The following CNOT6L variants were observed in gnomAD, a reference collection of about 807,000 sequenced individuals.
The protein encoded by CNOT6L is CCR4-NOT transcription complex subunit 6 like.
In CNOT6L, 7 loss-of-function variants were observed where a neutral mutation model predicts 64.0. That is an observed-to-expected ratio of 0.11 (90% CI 0.06 to 0.21). The LOEUF (loss-of-function observed/expected upper bound fraction) is 0.21, where lower values mean the gene tolerates loss of function less well. Among genes scored for constraint, CNOT6L ranks in the 10% least tolerant of loss-of-function variants. The probability of loss-of-function intolerance (pLI) is 1.00; values close to 1 mark genes in which losing one functional copy is unlikely to be tolerated. For missense variants in CNOT6L, 245 were observed against 669.0 expected (o/e 0.37, Z 6.99); for synonymous variants, 193 against 243.4 (o/e 0.79, Z 1.93).
intron 1 of CNOT6L, among the ~76,000 whole-genome samples, chr4:77,817,677 G>A (rs1041367487): frequency 7.9e-5 from 12 of 152,184 alleles, no homozygotes; most frequent in Admixed American, 3.3e-4. Context: ...CACTAACTAC[G>A]TATGTTAAAT....
chr4:77,755,205 A>G (rs1168639211), intron 5 of CNOT6L, among the ~76,000 whole-genome samples: 9 of 142,396 alleles, frequency 6.3e-5, no homozygotes, highest in Non-Finnish European at 1.4e-4. Flanking sequence ...TTGACTGGCT[A>G]CATCTATAGA....
At chr4:77,762,437 A>G (rs1560407767) in intron 4 of CNOT6L, among the ~76,000 whole-genome samples, 1 of 152,182 alleles carries the variant, frequency 6.6e-6, no homozygotes, top group South Asian at 2.1e-4. Flanking sequence ...GAATTTTGAC[A>G]AAGTTGCAAG....
In CNOT6L at chr4:77,750,756, A is replaced by G. The variant is rs76303784; in HGVS notation, c.491-2372T>C. 9.2e-4 allele frequency among the ~76,000 whole-genome samples: 140 copies of G among 152,344 alleles called. 1 individual carries two copies. In the East Asian group the frequency reaches 0.025, roughly 27 times the overall value. On this transcript the variant is annotated intron_variant, in intron 5 of 11. Coordinates refer to ENST00000504123, the MANE Select transcript of CNOT6L (RefSeq NM_144571.3). Reference sequence around the variant, plus strand: ...GTTATATGGGCTACTATCACATACAATAAATAAATATATTGGTGACCCAAT... The same window carrying G: ...GTTATATGGGCTACTATCACATACAGTAAATAAATATATTGGTGACCCAAT...
upstream of CNOT6L, chr4:77,819,416 TCCAGAG>T (rs1282625776): frequency 1.6e-5 from 25 of 1,593,520 alleles, no homozygotes; most frequent in Non-Finnish European, 1.7e-5. Flanking sequence ...ATGCTTCCCC[TCCAGAG>T]CCGCGGCCGC....
At chr4:77,779,026 G>C (rs1728497997) in intron 1 of CNOT6L, among the ~76,000 whole-genome samples, 1 of 120,570 alleles carries the variant, frequency 8.3e-6, no homozygotes, top group African/African-American at 3.1e-5. Context: ...CAGCCTAGGT[G>C]ACAGAGCGAG....
Position 77,716,842 on chromosome 4 carries a change from A to G in CNOT6L, c.*3589T>C, listed in dbSNP as rs367706819. ...AGGATGCTAATTAGTAAAATTAAATACCTGCCTATGAATATCAGAAAAGTA... is the reference window on the plus strand; with the variant it reads ...AGGATGCTAATTAGTAAAATTAAATGCCTGCCTATGAATATCAGAAAAGTA... On this transcript the variant is annotated 3_prime_UTR_variant, in exon 12 of 12. Transcript: ENST00000504123. 1 of 152,572 alleles carries G rather than the reference A, an allele frequency of 6.6e-6. No individual in the cohort carries two copies. Among genetic ancestry groups the G allele is most frequent in the Admixed American group, 6.6e-5 (1 of 15,256 alleles). The allele number at this position is 152,572 out of a possible 1,614,324, so 9.5% of individuals were successfully genotyped here.
In CNOT6L at chr4:77,721,628, T is replaced by A. The variant is rs112298893; in HGVS notation, c.1456-985A>T. 1.0e-3 allele frequency among the ~76,000 whole-genome samples: 155 copies of A among 152,272 alleles called. 1 individual carries two copies. Among genetic ancestry groups the A allele is most frequent in the African/African-American group, 3.2e-3 (134 of 41,554 alleles). On this transcript the variant is annotated intron_variant, in intron 11 of 11. Coordinates refer to ENST00000504123, the MANE Select transcript of CNOT6L (RefSeq NM_144571.3). ...AGATTTTGGACACAATCATTTCAGT[T>A]TGTTGATTTTCATTTGACCAATATC... is the stretch of plus-strand genomic sequence containing the variant.
intron 10 of CNOT6L, among the ~76,000 whole-genome samples, chr4:77,727,729 T>A (rs370855685): frequency 6.6e-6 from 1 of 152,092 alleles, no homozygotes; most frequent in African/African-American, 2.4e-5. Context: ...TTTTAACAAA[T>A]CAAATACAAT....
At chr4:77,761,549 CT>C (rs1253905669) in intron 4 of CNOT6L, among the ~76,000 whole-genome samples, 2 of 152,196 alleles carry the variant, frequency 1.3e-5, no homozygotes, top group Non-Finnish European at 2.9e-5. Flanking sequence ...ATAGCAACAA[CT>C]TCCAGAGAGT....
At chr4:77,774,917 C>T (rs1281359887) in intron 2 of CNOT6L, among the ~76,000 whole-genome samples, 1 of 152,194 alleles carries the variant, frequency 6.6e-6, no homozygotes, top group Admixed American at 6.5e-5. Context: ...TTTCACCTGA[C>T]AACCACTCTT....
intron 1 of CNOT6L, among the ~76,000 whole-genome samples, chr4:77,818,531 G>T (rs538760961): frequency 1.5e-3 from 228 of 152,304 alleles, no homozygotes; most frequent in Non-Finnish European, 2.7e-3. Context: ...CAGCCTTAGG[G>T]GAAGGATGAA....
chr4:77,779,624 T>G (rs117926352), intron 1 of CNOT6L, among the ~76,000 whole-genome samples: 1 of 152,178 alleles, frequency 6.6e-6, no homozygotes, highest in East Asian at 1.9e-4. Context: ...ACTGCCATAT[T>G]AGGGGTCAGA....
chr4:77,778,127 T>A (rs1344213849), intron 1 of CNOT6L, among the ~76,000 whole-genome samples: 1 of 152,144 alleles, frequency 6.6e-6, no homozygotes, highest in Non-Finnish European at 1.5e-5. Flanking sequence ...AGGAGAAAAA[T>A]TTGATTTCTA....
chr4:77,802,693 G>T (rs997969683), intron 1 of CNOT6L, among the ~76,000 whole-genome samples: 3 of 152,158 alleles, frequency 2.0e-5, no homozygotes, highest in Non-Finnish European at 2.9e-5. Flanking sequence ...TTGAATTATT[G>T]CATTTAACTT....
At chr4:77,745,905 A>G (rs1361697507) in intron 6 of CNOT6L, among the ~76,000 whole-genome samples, 1 of 152,202 alleles carries the variant, frequency 6.6e-6, no homozygotes, top group Non-Finnish European at 1.5e-5. Flanking sequence ...TGGAAAAGGT[A>G]TTAAGAGAAA....
At chr4:77,774,774 A>T (rs1241324409) in intron 2 of CNOT6L, 58 bp from the exon 3 acceptor site, 3 of 1,082,426 alleles carry the variant, frequency 2.8e-6, no homozygotes, top group African/African-American at 3.3e-5. Context: ...TGACACCTAA[A>T]CTACAACGAC....
intron 5 of CNOT6L, among the ~76,000 whole-genome samples, chr4:77,749,697 A>G (rs1724632149): frequency 2.0e-5 from 3 of 152,224 alleles, no homozygotes; most frequent in Non-Finnish European, 4.4e-5. Context: ...CAAAATTAAA[A>G]AAGATGAGAT....
At chr4:77,761,177 G>A (rs1457949529) in intron 4 of CNOT6L, among the ~76,000 whole-genome samples, 1 of 151,964 alleles carries the variant, frequency 6.6e-6, no homozygotes, top group East Asian at 1.9e-4. Context: ...AAAATGTGCT[G>A]CTCTGTACAA....
In CNOT6L at chr4:77,744,887, G is replaced by A; in HGVS notation, c.560-12C>T. The A allele has an allele frequency of 6.3e-7, 1 of 1,579,462 alleles. No homozygotes were observed. Among genetic ancestry groups the A allele is most frequent in the South Asian group, 1.2e-5 (1 of 85,606 alleles). ...AACCGTGAATGATGCTAAGAAGTGGGAGAAAAAACAACAGACAAACGGGAG... is the reference window on the plus strand; with the variant it reads ...AACCGTGAATGATGCTAAGAAGTGGAAGAAAAAACAACAGACAAACGGGAG... On this transcript the variant is annotated splice_polypyrimidine_tract_variant and intron_variant, in intron 6 of 11. Coordinates refer to ENST00000504123, the MANE Select transcript of CNOT6L (RefSeq NM_144571.3).
Sources: gnomAD v4.1 joint callset for allele counts (sites outside exome capture counted in the v4.1 genomes callset) on GRCh38, gnomAD v4.1.1 for gene constraint, MANE v1.5 for transcripts, NCBI Gene and HGNC (gene_info 2026-07-23, HGNC 2026-07-21) for gene names.